Variants in TRAIP observed in about 807,000 individuals in gnomAD.
The protein encoded by TRAIP is TRAF interacting protein.
Under a neutral mutation model 65.0 loss-of-function variants are expected in TRAIP, and 37 were observed. That is an observed-to-expected ratio of 0.57 (90% confidence interval 0.44 to 0.75). The LOEUF (loss-of-function observed/expected upper bound fraction) is 0.75. Among genes scored for constraint, TRAIP ranks in the 30% least tolerant of loss-of-function variants. TRAIP has a pLI of 0.00. For synonymous variants in TRAIP, 187 were observed against 219.1 expected (o/e 0.85, Z 1.29); for missense variants, 481 against 579.4 (o/e 0.83, Z 1.74).
intron 6 of TRAIP, among the ~76,000 whole-genome samples, 177 bp from the exon 7 acceptor site, chr3:49,842,116 A>T (rs2081844775): frequency 6.6e-6 from 1 of 152,228 alleles, no homozygotes. Flanking sequence ...CATAGCTCCA[A>T]GGATGCTGCT....
At position 49,847,542 on chromosome 3, in the gene TRAIP, C is replaced by G; in HGVS notation, c.223G>C (p.Asp75His). ...CTGGGTACCTTTAAGAATTCTGCAT[C>G]CAAGACATTCTCCTCCTCCTGGGCA... ...DLAQEEENVLDAEFLKNELDN... is the reference protein window; with the variant it reads ...DLAQEEENVLHAEFLKNELDN... The change falls in exon 3 of 15, where the codon GAT (aspartate) becomes CAT (histidine). Residue 75 changes from aspartate to histidine, a missense_variant. Transcript: ENST00000331456. 2 of 1,611,424 alleles carry G rather than the reference C, an allele frequency of 1.2e-6. No individual in the cohort carries two copies. Among genetic ancestry groups the G allele is most frequent in the Non-Finnish European group, 1.7e-6 (2 of 1,178,944 alleles).
intron 10 of TRAIP, among the ~76,000 whole-genome samples, chr3:49,835,927 A>AGAC (rs1193472873): frequency 1.4e-5 from 2 of 145,918 alleles, no homozygotes; most frequent in African/African-American, 2.6e-5. Context: ...CTACAGAGCA[A>AGAC]GACTCCATCT....
chr3:49,835,871 G>A (rs975948683), intron 10 of TRAIP, among the ~76,000 whole-genome samples: 7 of 151,006 alleles, frequency 4.6e-5, no homozygotes, highest in South Asian at 2.1e-4. Flanking sequence ...CCGGGGAGGC[G>A]GAGCTTGAAG....
Position 49,828,689 on chromosome 3 carries a change from GC to G in TRAIP, c.*413del. 1 of 199,986 alleles carries G rather than the reference GC, an allele frequency of 5.0e-6. No homozygotes were observed. The highest frequency in any genetic ancestry group is 2.1e-3 in the Middle Eastern group (1 of 468). 12.4% of individuals were successfully genotyped at this position (199,986 alleles called of 1,614,324 possible). A position where few individuals can be genotyped will look rare whatever the true frequency, so the allele number is the denominator to read the frequency against. The stretch of plus-strand genomic sequence containing the variant: ...TATCCTCCATTCCCCACCCTGCTTG[GC>G]CCAGGCTATGCCTAGAAGCAAGTCA... On this transcript the variant is annotated 3_prime_UTR_variant, in exon 15 of 15. Transcript: ENST00000331456.
intron 7 of TRAIP, 23 bp from the exon 8 acceptor site, chr3:49,841,095 G>A: frequency 6.2e-7 from 1 of 1,609,674 alleles, no homozygotes; most frequent in Non-Finnish European, 8.5e-7. Context: ...CATGGAAAGA[G>A]ATGCCAGAAA....
intron 11 of TRAIP, among the ~76,000 whole-genome samples, chr3:49,830,717 C>T (rs2081723649): frequency 6.6e-6 from 1 of 152,222 alleles, no homozygotes; most frequent in South Asian, 2.1e-4. Context: ...GCTGGATACC[C>T]TCTCCTGGCA....
intron 11 of TRAIP, 116 bp downstream of exon 11, chr3:49,831,800 G>GCCTAGGCAAC: frequency 8.0e-7 from 1 of 1,256,194 alleles, no homozygotes; most frequent in Non-Finnish European, 1.0e-6. Flanking sequence ...CCATGGCCAA[G>GCCTAGGCAAC]CCTAGGCAAC....
chr3:49,838,204 G>A (rs528081509), intron 10 of TRAIP, among the ~76,000 whole-genome samples: 36 of 152,254 alleles, frequency 2.4e-4, no homozygotes, highest in African/African-American at 8.2e-4. Flanking sequence ...AAATACTGGA[G>A]ACAAAAATGA....
chr3:49,844,065 G>A (rs1019807497), intron 4 of TRAIP, 137 bp from the exon 5 acceptor site: 27 of 1,238,050 alleles, frequency 2.2e-5, no homozygotes, highest in South Asian at 1.5e-4. Flanking sequence ...TGGGTGGCCC[G>A]CTTCTTTCTC....
intron 10 of TRAIP, among the ~76,000 whole-genome samples, chr3:49,837,874 G>A (rs915762901): frequency 5.4e-5 from 8 of 149,232 alleles, no homozygotes; most frequent in South Asian, 2.1e-4. Flanking sequence ...GAGCCACCAC[G>A]CCCGGACTTT....
rs761058487 is a variant in TRAIP, at chr3:49,856,505, G to A, written c.-52C>T. 6.5e-7 allele frequency: 1 copy of A among 1,536,754 alleles called. No individual in the cohort carries two copies. On this transcript the variant is annotated 5_prime_UTR_variant, in exon 1 of 15. Transcript: ENST00000331456. ...AGCCAAAGAAACTGCTACAGGTCCG[G>A]CTTCGTAGACGCGCCCCCGCGCCTC...
intron 1 of TRAIP, among the ~76,000 whole-genome samples, chr3:49,851,278 CCT>C (rs1036960731): frequency 6.6e-6 from 1 of 151,918 alleles, no homozygotes; most frequent in African/African-American, 2.4e-5. Flanking sequence ...CCAGCCATAC[CCT>C]GTTTCTTGAT....
intron 11 of TRAIP, among the ~76,000 whole-genome samples, chr3:49,830,552 A>G (rs1364476911): frequency 2.6e-5 from 4 of 152,140 alleles, no homozygotes; most frequent in Non-Finnish European, 5.9e-5. Context: ...GTAGCCCACA[A>G]AATCCTCTCA....
At chr3:49,841,443 G>T (rs1388065300) in intron 7 of TRAIP, among the ~76,000 whole-genome samples, 1 of 152,224 alleles carries the variant, frequency 6.6e-6, no homozygotes, top group Non-Finnish European at 1.5e-5. Flanking sequence ...TGAAGAATAT[G>T]AGTAGAGTTT....
chr3:49,831,266 CTT>C (rs1369999817), intron 11 of TRAIP, among the ~76,000 whole-genome samples: 8 of 152,244 alleles, frequency 5.3e-5, no homozygotes, highest in African/African-American at 1.9e-4. Context: ...TGTACAAAGT[CTT>C]TGAAAAAGAG....
intron 1 of TRAIP, among the ~76,000 whole-genome samples, chr3:49,850,917 G>A (rs1206184731): frequency 2.0e-5 from 3 of 151,692 alleles, no homozygotes; most frequent in Non-Finnish European, 2.9e-5. Context: ...AAAATGCTGG[G>A]ATTACAGGCA....
At position 49,844,530 on chromosome 3, in the gene TRAIP, T is replaced by C. The variant is rs2081866461; in HGVS notation, c.280+11A>G. 6.2e-7 allele frequency: 1 copy of C among 1,613,738 alleles called. No homozygotes were observed. The highest frequency in any genetic ancestry group is 8.5e-7 in the Non-Finnish European group (1 of 1,179,940). The stretch of plus-strand genomic sequence containing the variant: ...GGGCTTCCCAGCACCCCTCGTCTCT[T>C]GCTAACTCACCTTTCTGGGAAAGCT... On this transcript the variant is annotated intron_variant, in intron 4 of 14. Coordinates refer to ENST00000331456, the MANE Select transcript of TRAIP (RefSeq NM_005879.3).
Position 49,831,974 on chromosome 3 carries a change from C to A in TRAIP, c.979G>T (p.Ala327Ser). The stretch of plus-strand genomic sequence containing the variant: ...CCATGCTGGGAGCTGGAGGGCCGGG[C>A]TGGGGGAGTATCCACATCAAAGGTA... ...NATFDVDTPP[A>S]RPSSSQHGYY... The change falls in exon 11 of 15, where the codon GCC (alanine) becomes TCC (serine). Residue 327 changes from alanine (A) to serine (S), a missense_variant. Transcript: ENST00000331456. 1 of 1,606,768 alleles carries A rather than the reference C, an allele frequency of 6.2e-7. No individual in the cohort carries two copies.
chr3:49,842,991 C>G (rs140531042), intron 5 of TRAIP, among the ~76,000 whole-genome samples: 133 of 152,324 alleles, frequency 8.7e-4, no homozygotes, highest in African/African-American at 2.8e-3. Context: ...GGCCAGGCTG[C>G]CTTCAGCCTA....
Sources: allele counts gnomAD v4.1 joint callset (sites outside exome capture counted in the v4.1 genomes callset), GRCh38; gene constraint gnomAD v4.1.1; transcripts MANE v1.5; gene names NCBI Gene and HGNC (gene_info 2026-07-23, HGNC 2026-07-21).